Variants in SCAMP4 observed in about 807,000 individuals in gnomAD.
SCAMP4 encodes secretory carrier-associated membrane protein 4.
SCAMP4 carries 19 observed loss-of-function variants against 32.1 expected under a neutral mutation model. That is an observed-to-expected ratio of 0.59 (90% CI 0.41 to 0.87). The LOEUF (loss-of-function observed/expected upper bound fraction) is 0.87, where lower values mean the gene tolerates loss of function less well. Ranked by LOEUF, SCAMP4 falls within the 40% of genes least tolerant of loss-of-function variation. The probability of loss-of-function intolerance (pLI) is 0.00; values close to 1 mark genes in which losing one functional copy is unlikely to be tolerated. For synonymous variants in SCAMP4, 152 were observed against 132.7 expected, an observed-to-expected ratio of 1.15 and a Z score of -1.00; for missense variants, 302 against 309.0, an observed-to-expected ratio of 0.98 and a Z score of 0.17.
At chr19:1,919,446 C>T (rs2013848031) in intron 5 of SCAMP4, 2 of 985,192 alleles carry the variant, frequency 2.0e-6, no homozygotes, top group Non-Finnish European at 2.4e-6. Context: ...CTGCCAGGTG[C>T]CCAGAAGTGT....
intron 1 of SCAMP4, chr19:1,913,533 A>C (rs1475465269): frequency 8.2e-6 from 2 of 245,264 alleles, no homozygotes; most frequent in Non-Finnish European, 1.6e-5. Flanking sequence ...GCTCAGCCGG[A>C]GGGGACCTGC....
rs992247562 is a variant in SCAMP4, at chr19:1,924,685, C to G, written c.*401C>G. On this transcript the variant is annotated 3_prime_UTR_variant, in exon 7 of 7. Coordinates refer to ENST00000316097, the MANE Select transcript of SCAMP4 (RefSeq NM_079834.4). ...TGCTGGCGCTGAGGTCAGAGCGGGT[C>G]TGATGGGGAGCTCCGTCTCACCGGC... The G allele has an allele frequency of 6.5e-5, 14 of 214,302 alleles. No individual in the cohort carries two copies. Among genetic ancestry groups the G allele is most frequent in the African/African-American group, 2.9e-4 (13 of 44,958 alleles). The allele number at this position is 214,302 out of a possible 1,614,324, so 13.3% of individuals were successfully genotyped here.
At chr19:1,914,542 C>T in intron 1 of SCAMP4, 1 of 220,192 alleles carries the variant, frequency 4.5e-6, no homozygotes, top group South Asian at 6.4e-5. Flanking sequence ...GATGTCAGGC[C>T]AGGTGGGGCT....
In SCAMP4 at chr19:1,908,173, G is replaced by C. The variant is rs534204434; in HGVS notation, c.-42+2734G>C. ...GTGGTGTGCGTTTTGGGAGGGCCCAGCGAGTCGGCTGCTATGGGCCCCACC... is the reference window on the plus strand; with the variant it reads ...GTGGTGTGCGTTTTGGGAGGGCCCACCGAGTCGGCTGCTATGGGCCCCACC... On this transcript the variant is annotated intron_variant, in intron 1 of 6. Transcript: ENST00000316097. This position sits in a 1 kb window ranked among gnomAD's most constrained non-coding sequence, Gnocchi z 4.2. The C allele has an allele frequency of 3.7e-6, 1 of 270,760 alleles. No individual in the cohort carries two copies. The highest frequency in any genetic ancestry group is 1.2e-4 in the East Asian group (1 of 8,104). The allele number at this position is 270,760 out of a possible 1,614,324, so 16.8% of individuals were successfully genotyped here.
At chr19:1,910,630 G>T (rs2013393867) in intron 1 of SCAMP4, among the ~76,000 whole-genome samples, 2 of 146,670 alleles carry the variant, frequency 1.4e-5, no homozygotes, top group South Asian at 4.3e-4. Context: ...AGGCTGGAGT[G>T]CAGTGGCACG....
intron 2 of SCAMP4, among the ~76,000 whole-genome samples, 195 bp from the exon 3 acceptor site, chr19:1,917,499 C>G (rs1315484194): frequency 1.3e-5 from 2 of 152,166 alleles, no homozygotes; most frequent in African/African-American, 4.8e-5. Flanking sequence ...CCGTTTCTCT[C>G]TGACTCCCAC....
rs145060001 is a variant in SCAMP4, at chr19:1,907,371, T to C, written c.-42+1932T>C. On this transcript the variant is annotated intron_variant, in intron 1 of 6. Coordinates refer to ENST00000316097, the MANE Select transcript of SCAMP4 (RefSeq NM_079834.4). ...CCCTCCATCCCCCCATTTTCTCTTA[T>C]GTACCTGACAGCCCTGCCTTAAAAA... Among the ~76,000 whole-genome samples, 236 of 146,814 alleles carry C rather than the reference T, an allele frequency of 1.6e-3. 1 individual carries two copies. The highest frequency in any genetic ancestry group is 5.4e-3 in the African/African-American group (209 of 38,644).
intron 1 of SCAMP4, chr19:1,912,257 C>G: frequency 6.3e-7 from 1 of 1,597,094 alleles, no homozygotes; most frequent in South Asian, 1.1e-5. Flanking sequence ...TGGACAAGCG[C>G]CAGACCTCAC....
chr19:1,912,746 G>A (rs1170812029), intron 1 of SCAMP4: 11 of 1,545,776 alleles, frequency 7.1e-6, no homozygotes, highest in East Asian at 2.5e-5. Flanking sequence ...GCAGCTGCGC[G>A]GACAACCCCC....
chr19:1,922,696 G>C (rs1290872483), intron 5 of SCAMP4: 2 of 993,348 alleles, frequency 2.0e-6, no homozygotes, highest in Non-Finnish European at 2.4e-6. Flanking sequence ...TGGGGCCTTT[G>C]AGTCTTTCCA....
intron 1 of SCAMP4, chr19:1,913,285 A>G: frequency 1.5e-6 from 2 of 1,313,450 alleles, no homozygotes; most frequent in South Asian, 1.6e-5. Flanking sequence ...AGCGGGGAGC[A>G]CGGGTGCTGC....
chr19:1,912,823 T>G (rs1445941316), intron 1 of SCAMP4: 2 of 1,590,316 alleles, frequency 1.3e-6, no homozygotes, highest in South Asian at 2.2e-5. Flanking sequence ...ACCTACGACT[T>G]CAGACCCTTC....
intron 5 of SCAMP4, chr19:1,919,426 C>T: frequency 1.0e-6 from 1 of 985,236 alleles, no homozygotes; most frequent in Non-Finnish European, 1.2e-6. Context: ...CTCACAGTCA[C>T]TCTCTAAGGC....
chr19:1,907,387 G>A (rs1459284512), intron 1 of SCAMP4, among the ~76,000 whole-genome samples: 5 of 125,398 alleles, frequency 4.0e-5, no homozygotes, highest in African/African-American at 1.9e-4. Context: ...TGACAGCCCT[G>A]CCTTAAAAAA....
rs548178635 is a variant in SCAMP4 at position 1,920,639 on chromosome 19, C to G, written c.395+1649C>G. The G allele has an allele frequency of 1.0e-5, 10 of 985,536 alleles. No homozygotes were observed. The South Asian group carries it at 4.2e-4, about 42-fold the overall frequency. The allele number at this position is 985,536 out of a possible 1,614,324, so 61.0% of individuals were successfully genotyped here. Reference sequence around the variant, plus strand: ...CTGCCAGCCTTTGGGGTGCTTCCCCCTCCTGCAGAGGCTGTGGCTGCAGGT... The same window carrying G: ...CTGCCAGCCTTTGGGGTGCTTCCCCGTCCTGCAGAGGCTGTGGCTGCAGGT... On this transcript the variant is annotated intron_variant, in intron 5 of 6. Transcript: ENST00000316097.
At chr19:1,922,754 T>C (rs929565795) in intron 5 of SCAMP4, 34 of 1,032,202 alleles carry the variant, frequency 3.3e-5, no homozygotes, top group Non-Finnish European at 3.8e-5. Context: ...GGGGAAGCAC[T>C]GGTCTCCATT....
chr19:1,913,443 A>C, intron 1 of SCAMP4: 2 of 518,456 alleles, frequency 3.9e-6, no homozygotes, highest in South Asian at 2.4e-5. Flanking sequence ...ACAGCCCAAA[A>C]CCAAGTGGGT....
chr19:1,912,009 G>A (rs2013477084), intron 1 of SCAMP4: 13 of 1,414,564 alleles, frequency 9.2e-6, no homozygotes, highest in Non-Finnish European at 1.2e-5. Context: ...CTCCCGGGAC[G>A]GACTCCCCGG....
rs1347632097 is a variant in SCAMP4, at chr19:1,925,677, C to G, written c.*1393C>G. On this transcript the variant is annotated 3_prime_UTR_variant, in exon 7 of 7. Transcript: ENST00000316097. ...CTGTTGCTGTAGGACGCCTGCTGCC[C>G]TGGAGCCCTCCCCAGGATGTGAGCC... 1 of 152,772 alleles carries G rather than the reference C, an allele frequency of 6.5e-6. No individual in the cohort carries two copies. The highest frequency in any genetic ancestry group is 1.9e-4 in the East Asian group (1 of 5,188). 9.5% of individuals were successfully genotyped at this position (152,772 alleles called of 1,614,324 possible).
Sources: allele counts gnomAD v4.1 joint callset (sites outside exome capture counted in the v4.1 genomes callset), GRCh38; gene constraint gnomAD v4.1.1; non-coding constraint Gnocchi (gnomAD v3.1); transcripts MANE v1.5; gene names NCBI Gene and HGNC (gene_info 2026-07-23, HGNC 2026-07-21).